Variants in ARHGEF17 observed in about 807,000 individuals in gnomAD.
ARHGEF17 encodes the protein Rho guanine nucleotide exchange factor 17.
Under a neutral mutation model 174.0 loss-of-function variants are expected in ARHGEF17, and 80 were observed. That is an observed-to-expected ratio of 0.46 (90% CI 0.38 to 0.55). The LOEUF is 0.55. Ranked by LOEUF, ARHGEF17 falls within the 20% of genes least tolerant of loss-of-function variation. The pLI is 0.00. For missense variants in ARHGEF17, 2,886 were observed against 2,839.7 expected, an observed-to-expected ratio of 1.02 and a Z score of -0.37; for synonymous variants, 1,311 against 1,189.1, an observed-to-expected ratio of 1.10 and a Z score of -2.11.
chr11:73,363,921 C>A, intron 16 of ARHGEF17, 88 bp downstream of exon 16: 1 of 1,389,504 alleles, frequency 7.2e-7, no homozygotes, highest in Non-Finnish European at 1.0e-6. Context: ...CCCTGCTCTA[C>A]TGTCCCTCCT....
rs2134423622 is a variant in ARHGEF17 at position 73,364,250 on chromosome 11, G to A, written c.5401+11G>A. 4 of 1,614,042 alleles carry A rather than the reference G, an allele frequency of 2.5e-6. No individual in the cohort carries two copies. In the East Asian group the frequency reaches 8.9e-5, roughly 36 times the overall value. On this transcript the variant is annotated intron_variant, in intron 17 of 20. Transcript: ENST00000263674. ...ACCAAAGGGAAGCAGGTGAGTATCTGCCCTCCCCCACACCCTGCCCCTGTC... is the reference window on the plus strand; with the variant it reads ...ACCAAAGGGAAGCAGGTGAGTATCTACCCTCCCCCACACCCTGCCCCTGTC...
In ARHGEF17 at chr11:73,362,144, G is replaced by T; in HGVS notation, c.4599G>T (p.Leu1533=). Residue 1533 remains leucine, a synonymous_variant, in exon 13 of 21, where the codon CTG becomes CTT. Coordinates refer to ENST00000263674, the MANE Select transcript of ARHGEF17 (RefSeq NM_014786.4). ...GYVGQVCLLS[L]RAEPDVEACI... ...TGGGCCAGGTGTGCCTGCTGAGCCT[G>T]CGCGCCGAGCCGGACGTGGAGGCCT... 4 of 1,609,146 alleles carry T rather than the reference G, an allele frequency of 2.5e-6. No homozygotes were observed. Among genetic ancestry groups the T allele is most frequent in the Non-Finnish European group, 3.4e-6 (4 of 1,178,966 alleles).
chr11:73,308,555 C>T lies in ARHGEF17; in HGVS notation c.-84C>T, dbSNP rs935094429. On this transcript the variant is annotated 5_prime_UTR_variant, in exon 1 of 21. Coordinates refer to ENST00000263674, the MANE Select transcript of ARHGEF17 (RefSeq NM_014786.4). ...CCCGTGCGCTGCTTTCGGCGTGGGC[C>T]GCTGCGCTCCTAGGGAGTGGGGGCG... 1.6e-6 allele frequency: 2 copies of T among 1,217,570 alleles called. No homozygotes were observed. The highest frequency in any genetic ancestry group is 1.9e-5 in the South Asian group (1 of 52,958). 75.4% of individuals were successfully genotyped at this position (1,217,570 alleles called of 1,614,324 possible).
intron 1 of ARHGEF17, among the ~76,000 whole-genome samples, chr11:73,316,786 A>T (rs1864935240): frequency 6.6e-6 from 1 of 152,186 alleles, no homozygotes; most frequent in Admixed American, 6.5e-5. Flanking sequence ...TCTGAGTGGA[A>T]TAGTGGCCTG....
chr11:73,369,135 T>C lies in ARHGEF17; in HGVS notation c.*1355T>C, dbSNP rs1865889557. ...TCCTGTCAGCAACCTCAGGGCTCAG[T>C]CTCCCTGGCCACATGGGCCTTCCGA... is the stretch of plus-strand genomic sequence containing the variant. On this transcript the variant is annotated 3_prime_UTR_variant, in exon 21 of 21. Transcript: ENST00000263674. 6.6e-6 allele frequency: 1 copy of C among 152,294 alleles called. No individual in the cohort carries two copies. The highest frequency in any genetic ancestry group is 1.5e-5 in the Non-Finnish European group (1 of 68,024). The allele number at this position is 152,294 out of a possible 1,614,324, so 9.4% of individuals were successfully genotyped here. A position where few individuals can be genotyped will look rare whatever the true frequency, so the allele number is the denominator to read the frequency against.
At chr11:73,357,828 T>C (rs1359243090) in intron 9 of ARHGEF17, among the ~76,000 whole-genome samples, 1 of 152,214 alleles carries the variant, frequency 6.6e-6, no homozygotes, top group Non-Finnish European at 1.5e-5. Context: ...TCTTCCCTTC[T>C]TGCTGAGTCT....
intron 9 of ARHGEF17, among the ~76,000 whole-genome samples, chr11:73,358,199 C>T (rs1002746853): frequency 9.2e-5 from 14 of 152,190 alleles, no homozygotes; most frequent in African/African-American, 3.4e-4. Flanking sequence ...GGCTTCATCT[C>T]TTCAGGCTGT....
At chr11:73,367,484 TCTTC>T (rs901337615) in intron 20 of ARHGEF17, 96 bp from the exon 21 acceptor site, 1 of 1,040,362 alleles carries the variant, frequency 9.6e-7, no homozygotes, top group African/African-American at 1.6e-5. Flanking sequence ...AGTGTGCACA[TCTTC>T]CTTCCTATCT....
At chr11:73,353,665 GT>G (rs1367854618) in intron 3 of ARHGEF17, among the ~76,000 whole-genome samples, 1 of 152,078 alleles carries the variant, frequency 6.6e-6, no homozygotes, top group Admixed American at 6.5e-5. Flanking sequence ...CCTGGTTCCA[GT>G]GCCCCGGCTT....
chr11:73,343,859 G>C (rs991227486), intron 1 of ARHGEF17, among the ~76,000 whole-genome samples: 1 of 152,260 alleles, frequency 6.6e-6, no homozygotes, highest in South Asian at 2.1e-4. Flanking sequence ...TCCCCTCCCC[G>C]TGCAATGATG....
rs773069006 is a variant in ARHGEF17 at position 73,357,333 on chromosome 11, T to G, written c.4087+6T>G. On this transcript the variant is annotated splice_donor_region_variant and intron_variant, in intron 9 of 20. Transcript: ENST00000263674. ...AGACGCAGACATCATCAAAGGTGGG[T>G]TTGATGCTAGGGGTTCTGGGTGTTG... 5.6e-6 allele frequency: 9 copies of G among 1,612,468 alleles called. No homozygotes were observed. The East Asian group carries it at 1.8e-4, about 32-fold the overall frequency.
rs1315556007 is a variant in ARHGEF17, at chr11:73,365,527, A to G, written c.5688A>G (p.Glu1896=). 17 of 1,614,012 alleles carry G rather than the reference A, an allele frequency of 1.1e-5. No individual in the cohort carries two copies. The highest frequency in any genetic ancestry group is 3.3e-5 in the Admixed American group (2 of 60,012). The stretch of plus-strand genomic sequence containing the variant: ...CAGACACCTTTGAGCAGCTGGCAGA[A>G]GTAGACGTCACTCCTCCCGTGCACA... ...YHPDTFEQLA[E]VDVTPPVHRM... Residue 1896 remains glutamate, a synonymous_variant, in exon 19 of 21, where the codon GAA becomes GAG. Coordinates refer to ENST00000263674, the MANE Select transcript of ARHGEF17 (RefSeq NM_014786.4). The surrounding 1 kb of genome is among the most constrained non-coding windows in gnomAD (Gnocchi z 4.9).
rs370090830 is a variant in ARHGEF17, at chr11:73,361,129, A to G, written c.4462A>G (p.Ile1488Val). 3 of 1,614,038 alleles carry G rather than the reference A, an allele frequency of 1.9e-6. No homozygotes were observed. The highest frequency in any genetic ancestry group is 2.5e-6 in the Non-Finnish European group (3 of 1,180,024). The change falls in exon 12 of 21, where the codon ATC (isoleucine) becomes GTC (valine). Residue 1488 changes from isoleucine to valine, a missense_variant. Ile to Val is a conservative substitution (Grantham distance 29). Around this residue, in one of 4 missense-constraint regions of ARHGEF17, gnomAD observed 476 missense variants for 473.1 expected, o/e 1.01. Transcript: ENST00000263674. ...TCTAGACCCTGAGTTCCTGAAGGCC[A>G]TCCCCATCATGAAAACCCGCAGTGG... ...SCLDPEFLKAIPIMKTRSGMQ... is the reference protein window; with the variant it reads ...SCLDPEFLKAVPIMKTRSGMQ...
intron 1 of ARHGEF17, among the ~76,000 whole-genome samples, chr11:73,330,675 T>G (rs1481360037): frequency 6.6e-6 from 1 of 152,220 alleles, no homozygotes; most frequent in Non-Finnish European, 1.5e-5. Context: ...TCCTTGTCTG[T>G]ACTGTGTGAC....
chr11:73,358,190 G>C (rs1865676932), intron 9 of ARHGEF17, among the ~76,000 whole-genome samples: 1 of 152,200 alleles, frequency 6.6e-6, no homozygotes, highest in Non-Finnish European at 1.5e-5. Flanking sequence ...GAGTAGATCG[G>C]CTTCATCTCT....
intron 1 of ARHGEF17, among the ~76,000 whole-genome samples, chr11:73,331,325 C>T (rs1042093446): frequency 4.6e-5 from 7 of 152,218 alleles, no homozygotes; most frequent in African/African-American, 9.7e-5. Flanking sequence ...CTCTCTCTCC[C>T]TCTTTTACAG....
chr11:73,309,670 G>C lies in ARHGEF17; in HGVS notation c.1032G>C (p.Trp344Cys), dbSNP rs1864773370. Residue 344 changes from tryptophan to cysteine, a missense_variant, in exon 1 of 21, where the codon TGG (tryptophan) becomes TGC (cysteine). Transcript: ENST00000263674. ...CTAGAGAAGAAGGACTCCGGGAGTG[G>C]GGTAGTGGCTCTCCGCCCTGCGTCC... ...RAPREEGLRE[W>C]GSGSPPCVPG... The C allele has an allele frequency of 6.2e-7, 1 of 1,613,116 alleles. No homozygotes were observed. The highest frequency in any genetic ancestry group is 8.5e-7 in the Non-Finnish European group (1 of 1,180,026).
At chr11:73,359,558 C>G (rs937666050) in intron 9 of ARHGEF17, among the ~76,000 whole-genome samples, 3 of 152,198 alleles carry the variant, frequency 2.0e-5, no homozygotes, top group Non-Finnish European at 4.4e-5. Context: ...AGCCAGCCAC[C>G]ATTTCATACT....
At chr11:73,328,139 C>T (rs147878559) in intron 1 of ARHGEF17, among the ~76,000 whole-genome samples, 2 of 152,092 alleles carry the variant, frequency 1.3e-5, no homozygotes, top group Admixed American at 6.5e-5. Context: ...GAGGAAGAGC[C>T]CCAGGGATGG....
Sources: gnomAD v4.1 joint callset for allele counts (sites outside exome capture counted in the v4.1 genomes callset) on GRCh38, gnomAD v4.1.1 for gene constraint, gnomAD v4.1.1 regional missense constraint, Gnocchi (gnomAD v3.1) non-coding constraint, MANE v1.5 for transcripts, NCBI Gene and HGNC (gene_info 2026-07-23, HGNC 2026-07-21) for gene names.